Variants in OLFM3 observed in about 807,000 individuals in gnomAD.
OLFM3 encodes olfactomedin 3.
Under a neutral mutation model 48.6 loss-of-function variants are expected in OLFM3, and 20 were observed. The ratio of observed to expected loss-of-function variants is 0.41; its 90% CI spans 0.29 to 0.60. The LOEUF (loss-of-function observed/expected upper bound fraction) is 0.60, where lower values mean the gene tolerates loss of function less well. Ranked by LOEUF, OLFM3 falls within the 20% of genes least tolerant of loss-of-function variation. The pLI is 0.28. For missense variants in OLFM3, 437 were observed against 544.3 expected (o/e 0.80, Z 1.96); for synonymous variants, 222 against 198.1 (o/e 1.12, Z -1.01).
intron 1 of OLFM3, among the ~76,000 whole-genome samples, chr1:101,855,263 G>C (rs1570565963): frequency 6.6e-6 from 1 of 152,108 alleles, no homozygotes; most frequent in East Asian, 1.9e-4. Flanking sequence ...TTAATCCTCA[G>C]ACAAACCCGA....
At chr1:101,880,281 G>A (rs1856036) in intron 1 of OLFM3, among the ~76,000 whole-genome samples, 81,169 of 151,488 alleles carry the variant, frequency 0.54, 22,231 homozygotes, top group African/African-American at 0.59. Flanking sequence ...CCAAAAGACA[G>A]TTTCTAGAGT....
chr1:101,916,401 C>CTTT lies in OLFM3; in HGVS notation c.70-79379_70-79377dup, dbSNP rs57463919. Reference sequence around the variant, plus strand: ...CTTTGAAGTAGGTATAATGTCTCTCCTTTTTTTTTAATTTTTATTTTTTAA... The same window carrying CTTT: ...CTTTGAAGTAGGTATAATGTCTCTCCTTTTTTTTTTTTAATTTTTATTTTTTAA... On this transcript the variant is annotated intron_variant, in intron 1 of 5. Transcript: ENST00000370103. Among the ~76,000 whole-genome samples the CTTT allele has an allele frequency of 6.7e-4, 101 of 150,584 alleles. 1 individual carries two copies. Among genetic ancestry groups the CTTT allele is most frequent in the Non-Finnish European group, 4.4e-4 (30 of 67,562 alleles).
chr1:101,966,901 T>TA (rs1303508677), intron 1 of OLFM3, among the ~76,000 whole-genome samples: 2 of 152,176 alleles, frequency 1.3e-5, no homozygotes, highest in African/African-American at 4.8e-5. Context: ...AATTCAGATA[T>TA]AAAAAAATAA....
At chr1:101,857,447 CTAGTGTAGAGGCT>C (rs1656472433) in intron 1 of OLFM3, among the ~76,000 whole-genome samples, 1 of 151,858 alleles carries the variant, frequency 6.6e-6, no homozygotes, top group Non-Finnish European at 1.5e-5. Context: ...AACTGTAAAT[CTAGTGTAGAGGCT>C]TCTTATCAGG....
At chr1:101,881,937 T>C (rs2100991309) in intron 1 of OLFM3, among the ~76,000 whole-genome samples, 1 of 151,978 alleles carries the variant, frequency 6.6e-6, no homozygotes, top group Middle Eastern at 3.4e-3. Flanking sequence ...GTGTACTGTA[T>C]GTAGTCATGT....
At chr1:101,829,958 C>T (rs1020012245) in intron 3 of OLFM3, among the ~76,000 whole-genome samples, 4 of 152,030 alleles carry the variant, frequency 2.6e-5, no homozygotes, top group African/African-American at 9.7e-5. Context: ...CCTCAGCCTC[C>T]CGAGTAGCTG....
intron 1 of OLFM3, among the ~76,000 whole-genome samples, chr1:101,903,666 A>C (rs1052986041): frequency 6.6e-6 from 1 of 151,652 alleles, no homozygotes; most frequent in African/African-American, 2.4e-5. Context: ...GATTCTGCTA[A>C]AATCTATGTT....
At chr1:101,973,570 C>T (rs1000141003) in intron 1 of OLFM3, among the ~76,000 whole-genome samples, 2 of 152,090 alleles carry the variant, frequency 1.3e-5, no homozygotes, top group East Asian at 1.9e-4. Flanking sequence ...TTAAAATTAA[C>T]CTTCATAGAG....
rs149672839 is a variant in OLFM3 at position 101,938,454 on chromosome 1, G to A, written c.69+58294C>T. ...GACCATGAACACATTCTCCACTTTC[G>A]CCTTCTTTAGCTTATCTTTGCTGCC... On this transcript the variant is annotated intron_variant, in intron 1 of 5. Coordinates refer to ENST00000370103, the MANE Select transcript of OLFM3 (RefSeq NM_058170.4). Among the ~76,000 whole-genome samples the A allele has an allele frequency of 2.0e-5, 3 of 152,152 alleles. No homozygotes were observed. In the East Asian group the frequency reaches 5.8e-4, roughly 29 times the overall value.
At chr1:101,936,443 C>A (rs1557737201) in intron 1 of OLFM3, among the ~76,000 whole-genome samples, 1 of 152,056 alleles carries the variant, frequency 6.6e-6, no homozygotes, top group Non-Finnish European at 1.5e-5. Context: ...AATTACAAAG[C>A]CCTGCTCAAA....
chr1:101,827,967 A>C (rs1654942327), intron 3 of OLFM3, among the ~76,000 whole-genome samples: 1 of 151,506 alleles, frequency 6.6e-6, no homozygotes, highest in Non-Finnish European at 1.5e-5. Flanking sequence ...GTGAGTTCTC[A>C]TGAGAGCTGA....
chr1:101,878,981 C>T (rs1293211908), intron 1 of OLFM3, among the ~76,000 whole-genome samples: 1 of 151,836 alleles, frequency 6.6e-6, no homozygotes, highest in African/African-American at 2.4e-5. Context: ...AACATATTGA[C>T]CACCAATGCT....
intron 1 of OLFM3, among the ~76,000 whole-genome samples, chr1:101,922,934 T>C (rs1659146286): frequency 6.6e-6 from 1 of 152,224 alleles, no homozygotes; most frequent in South Asian, 2.1e-4. Flanking sequence ...AATAATTCAT[T>C]TAATTCTATG....
chr1:101,892,136 C>T (rs563730498), intron 1 of OLFM3, among the ~76,000 whole-genome samples: 1 of 152,096 alleles, frequency 6.6e-6, no homozygotes, highest in East Asian at 1.9e-4. Flanking sequence ...CTGTGTGAGA[C>T]TCTATCAATT....
At chr1:101,907,022 G>A (rs964342595) in intron 1 of OLFM3, among the ~76,000 whole-genome samples, 7 of 152,024 alleles carry the variant, frequency 4.6e-5, no homozygotes, top group African/African-American at 1.7e-4. Context: ...AAATTAAAAT[G>A]TTTAATTTTC....
At chr1:101,901,186 A>C (rs975575907) in intron 1 of OLFM3, among the ~76,000 whole-genome samples, 1 of 152,108 alleles carries the variant, frequency 6.6e-6, no homozygotes, top group African/African-American at 2.4e-5. Flanking sequence ...TTACATTCTA[A>C]GAAGTTTACA....
chr1:101,925,873 T>C (rs1659256167), intron 1 of OLFM3, among the ~76,000 whole-genome samples: 1 of 152,140 alleles, frequency 6.6e-6, no homozygotes, highest in South Asian at 2.1e-4. Context: ...TGTAGGACGT[T>C]GACATACCTT....
intron 1 of OLFM3, among the ~76,000 whole-genome samples, chr1:101,949,709 T>A (rs988654466): frequency 6.6e-6 from 1 of 151,894 alleles, no homozygotes; most frequent in African/African-American, 2.4e-5. Flanking sequence ...GGCGGGTGGA[T>A]CACGAGGTCA....
intron 1 of OLFM3, among the ~76,000 whole-genome samples, chr1:101,845,952 T>C (rs954509245): frequency 2.6e-5 from 4 of 152,244 alleles, no homozygotes; most frequent in African/African-American, 9.6e-5. Context: ...TCTGATCCAC[T>C]GGAGTAACCC....
Sources: allele counts gnomAD v4.1 joint callset (sites outside exome capture counted in the v4.1 genomes callset), GRCh38; gene constraint gnomAD v4.1.1; transcripts MANE v1.5; gene names NCBI Gene and HGNC (gene_info 2026-07-23, HGNC 2026-07-21).